The following CSMD1 variants were observed in gnomAD, a reference collection of about 807,000 sequenced individuals.
The protein encoded by CSMD1 is CUB and sushi domain-containing protein 1.
In CSMD1, 213 loss-of-function variants were observed where a neutral mutation model predicts 417.5. That is an observed-to-expected ratio of 0.51 (90% CI 0.46 to 0.57). CSMD1 has a LOEUF of 0.57. Ranked by LOEUF, CSMD1 falls within the 20% of genes least tolerant of loss-of-function variation. The probability of loss-of-function intolerance (pLI) is 0.00; values close to 1 mark genes in which losing one functional copy is unlikely to be tolerated. For missense variants in CSMD1, 6,923 were observed against 4,529.7 expected (o/e 1.53, Z -15.17); for synonymous variants, 2,862 against 1,736.8 (o/e 1.65, Z -16.11).
At chr8:3,556,552 C>CACACCCT (rs1554468421) in intron 10 of CSMD1, among the ~76,000 whole-genome samples, 96 of 139,814 alleles carry the variant, frequency 6.9e-4, no homozygotes, top group African/African-American at 2.4e-3. Flanking sequence ...ACACACACAC[C>CACACCCT]CTCTCTCTCT....
At chr8:4,641,227 A>T (rs1007127044) in intron 1 of CSMD1, among the ~76,000 whole-genome samples, 3 of 152,046 alleles carry the variant, frequency 2.0e-5, no homozygotes, top group Non-Finnish European at 4.4e-5. Flanking sequence ...AACTTCCAAG[A>T]GAAAACCTGA....
intron 10 of CSMD1, among the ~76,000 whole-genome samples, chr8:3,561,720 C>T (rs752924243): frequency 4.6e-5 from 7 of 151,826 alleles, no homozygotes; most frequent in African/African-American, 7.3e-5. Flanking sequence ...GACCCCACCA[C>T]GATGTAGTGT....
intron 2 of CSMD1, among the ~76,000 whole-genome samples, chr8:4,622,404 G>A (rs1156288043): frequency 1.3e-5 from 2 of 152,168 alleles, no homozygotes; most frequent in East Asian, 3.9e-4. Context: ...CTTCTGGCGA[G>A]CTACCCGATG....
intron 4 of CSMD1, among the ~76,000 whole-genome samples, chr8:4,021,127 A>C (rs1425201565): frequency 6.6e-6 from 1 of 152,228 alleles, no homozygotes; most frequent in East Asian, 1.9e-4. Context: ...GGCTCAATAC[A>C]GTAGCCTGAA....
At chr8:4,892,531 A>T (rs537537212) in intron 1 of CSMD1, among the ~76,000 whole-genome samples, 1 of 152,276 alleles carries the variant, frequency 6.6e-6, no homozygotes, top group South Asian at 2.1e-4. Context: ...AATAAGGGTA[A>T]TATTACTTGT....
intron 8 of CSMD1, among the ~76,000 whole-genome samples, chr8:3,596,799 T>C (rs555794500): frequency 1.3e-5 from 2 of 151,922 alleles, no homozygotes; most frequent in East Asian, 1.9e-4. Context: ...CACACACACA[T>C]GCATACATGC....
At chr8:4,133,296 C>A (rs1199733750) in intron 3 of CSMD1, among the ~76,000 whole-genome samples, 2 of 152,130 alleles carry the variant, frequency 1.3e-5, no homozygotes, top group East Asian at 3.9e-4. Context: ...GCTTAAAAGT[C>A]TAAGTTTATA....
intron 47 of CSMD1, among the ~76,000 whole-genome samples, chr8:3,091,957 T>C (rs910594200): frequency 2.0e-5 from 3 of 152,220 alleles, no homozygotes; most frequent in African/African-American, 7.2e-5. Flanking sequence ...ATATGTATTG[T>C]TGTTAGTATT....
chr8:4,045,262 C>A (rs1798091691), intron 3 of CSMD1, among the ~76,000 whole-genome samples: 1 of 152,192 alleles, frequency 6.6e-6, no homozygotes, highest in Non-Finnish European at 1.5e-5. Flanking sequence ...TGAGACAAAG[C>A]CTCTCATTTC....
intron 5 of CSMD1, among the ~76,000 whole-genome samples, chr8:3,970,898 A>C (rs141644652): frequency 0.045 from 6,776 of 152,016 alleles, 199 homozygotes; most frequent in African/African-American, 0.088. Context: ...ATTACAGGTG[A>C]CTGCCACCAT....
chr8:3,948,589 G>A (rs956997124), intron 5 of CSMD1, among the ~76,000 whole-genome samples: 3 of 151,976 alleles, frequency 2.0e-5, no homozygotes, highest in Non-Finnish European at 4.4e-5. Context: ...CATGATAAAC[G>A]ATGAACGTGT....
chr8:4,188,390 G>A (rs1232425582), intron 3 of CSMD1, among the ~76,000 whole-genome samples: 1 of 152,108 alleles, frequency 6.6e-6, no homozygotes, highest in East Asian at 1.9e-4. Flanking sequence ...AAACAACACA[G>A]GAAACATTCG....
At chr8:4,912,135 A>AAGAAAAAAAAAAAG (rs1554518072) in intron 1 of CSMD1, among the ~76,000 whole-genome samples, 2 of 115,612 alleles carry the variant, frequency 1.7e-5, no homozygotes, top group Non-Finnish European at 3.8e-5. Flanking sequence ...AAAAAAAAAA[A>AAGAAAAAAAAAAAG]AAAAAAGAAA....
At chr8:4,019,440 G>T (rs527533988) in intron 4 of CSMD1, among the ~76,000 whole-genome samples, 192 of 91,400 alleles carry the variant, frequency 2.1e-3, no homozygotes, top group African/African-American at 8.6e-3. Context: ...CTAAAAGGAA[G>T]GGAACATTCC....
intron 3 of CSMD1, among the ~76,000 whole-genome samples, chr8:4,240,809 AT>A (rs921105493): frequency 3.3e-5 from 5 of 151,982 alleles, no homozygotes; most frequent in African/African-American, 4.8e-5. Context: ...CATACTATCT[AT>A]TTTTTTATTT....
intron 30 of CSMD1, among the ~76,000 whole-genome samples, chr8:3,209,804 C>A (rs1797500810): frequency 6.6e-6 from 1 of 152,076 alleles, no homozygotes; most frequent in African/African-American, 2.4e-5. Flanking sequence ...CATACAAAAG[C>A]ATTCATTGCT....
intron 1 of CSMD1, among the ~76,000 whole-genome samples, chr8:4,869,629 C>T (rs1232405479): frequency 1.3e-5 from 2 of 151,844 alleles, no homozygotes; most frequent in Non-Finnish European, 2.9e-5. Flanking sequence ...GTATGAATTT[C>T]TTCTTATATT....
intron 1 of CSMD1, among the ~76,000 whole-genome samples, chr8:4,980,831 G>C (rs953489790): frequency 6.6e-6 from 1 of 151,884 alleles, no homozygotes; most frequent in African/African-American, 2.4e-5. Context: ...TTGATCCCAG[G>C]AAGTTGAGGC....
chr8:3,099,236 G>C (rs1366436544), intron 46 of CSMD1, among the ~76,000 whole-genome samples: 1 of 152,088 alleles, frequency 6.6e-6, no homozygotes, highest in Non-Finnish European at 1.5e-5. Flanking sequence ...GTCGTGGGAA[G>C]CATAAATAAA....
Sources: allele counts gnomAD v4.1 joint callset (sites outside exome capture counted in the v4.1 genomes callset), GRCh38; gene constraint gnomAD v4.1.1; transcripts MANE v1.5; gene names NCBI Gene and HGNC (gene_info 2026-07-23, HGNC 2026-07-21).